SLC12A6: variants seen among roughly 807,000 people sequenced by gnomAD.
The protein encoded by SLC12A6 is K-Cl cotransporter 3.
SLC12A6 carries 66 observed loss-of-function variants against 135.3 expected under a neutral mutation model. That is an observed-to-expected ratio of 0.49 (90% CI 0.40 to 0.60). SLC12A6 has a LOEUF of 0.60. Ranked by LOEUF, SLC12A6 falls within the 20% of genes least tolerant of loss-of-function variation. The pLI is 0.00. For synonymous variants in SLC12A6, 513 were observed against 508.8 expected, an observed-to-expected ratio of 1.01 and a Z score of -0.11; for missense variants, 1,058 against 1,452.3, an observed-to-expected ratio of 0.73 and a Z score of 4.41.
chr15:34,265,475 G>C (rs1893447314), intron 3 of SLC12A6, among the ~76,000 whole-genome samples: 1 of 151,912 alleles, frequency 6.6e-6, no homozygotes, highest in South Asian at 2.1e-4. Context: ...GAAGTGGTAA[G>C]TTCAAGGAAG....
At chr15:34,273,941 A>T (rs150199480) in intron 3 of SLC12A6, among the ~76,000 whole-genome samples, 1,695 of 152,140 alleles carry the variant, frequency 0.011, 41 homozygotes, top group African/African-American at 0.039. Context: ...GTTTAAGCTG[A>T]TGTATCTTTT....
intron 2 of SLC12A6, among the ~76,000 whole-genome samples, chr15:34,329,882 T>C (rs1234391186): frequency 1.3e-5 from 2 of 152,164 alleles, no homozygotes; most frequent in African/African-American, 4.8e-5. Flanking sequence ...CAACAAATTA[T>C]AAACATTTGC....
Position 34,232,952 on chromosome 15 carries a change from A to T in SLC12A6, c.*929T>A, listed in dbSNP as rs1444661675. ...TGACCTGTGCTTAATAAGAGGGCAT[A>T]AAAAAAGGCGCGGGGGTGGGGGCGG... On this transcript the variant is annotated 3_prime_UTR_variant, in exon 26 of 26. Transcript: ENST00000354181. 6.6e-6 allele frequency: 1 copy of T among 150,566 alleles called. No homozygotes were observed. The highest frequency in any genetic ancestry group is 1.5e-5 in the Non-Finnish European group (1 of 67,732). 9.3% of individuals were successfully genotyped at this position (150,566 alleles called of 1,614,324 possible). A position where few individuals can be genotyped will look rare whatever the true frequency, so the allele number is the denominator to read the frequency against.
In SLC12A6 at chr15:34,245,308, A is replaced by G. The variant is rs2140689402; in HGVS notation, c.1920T>C (p.Asp640=). The G allele has an allele frequency of 6.2e-7, 1 of 1,600,838 alleles. No homozygotes were observed. Among genetic ancestry groups the G allele is most frequent in the Non-Finnish European group, 8.6e-7 (1 of 1,167,800 alleles). The part of the protein sequence containing the change: ...AELGILIASL[D]LVAPILSMFF... ...ACATGGAAAGAATTGGGGCCACAAGATCCAGGGAGGCAATGAGTATTCCAA... is the reference window on the plus strand; with the variant it reads ...ACATGGAAAGAATTGGGGCCACAAGGTCCAGGGAGGCAATGAGTATTCCAA... Residue 640 remains aspartate, a synonymous_variant, in exon 15 of 26, where the codon GAT becomes GAC. Transcript: ENST00000354181.
intron 2 of SLC12A6, among the ~76,000 whole-genome samples, chr15:34,311,693 CCA>C (rs562679697): frequency 9.0e-4 from 137 of 152,260 alleles, no homozygotes; most frequent in African/African-American, 3.1e-3. Context: ...ACCCACTATC[CCA>C]CAGAGTGGAG....
chr15:34,240,696 G>T lies in SLC12A6; in HGVS notation c.2401C>A (p.Leu801Ile), dbSNP rs1356085653. 1 of 1,613,958 alleles carries T rather than the reference G, an allele frequency of 6.2e-7. No individual in the cohort carries two copies. The highest frequency in any genetic ancestry group is 1.3e-5 in the African/African-American group (1 of 74,928). ...IVGSVIVGNF[L>I]ENYGEALAAE... ...GCTAAAGCTTCACCGTAGTTCTCTA[G>T]GAAGTTCCCCACGATGACAGAGCCC... Residue 801 changes from leucine (L) to isoleucine (I), a missense_variant, in exon 19 of 26, where the codon CTA becomes ATA. Physicochemically the swap from Leu to Ile is conservative, Grantham distance 5. Coordinates refer to ENST00000354181, the MANE Select transcript of SLC12A6 (RefSeq NM_001365088.1).
chr15:34,255,554 G>C, intron 7 of SLC12A6, 162 bp from the exon 8 acceptor site: 1 of 511,956 alleles, frequency 2.0e-6, no homozygotes, highest in Non-Finnish European at 3.4e-6. Flanking sequence ...GAAGTAAAAG[G>C]TGAAAGTGTT....
chr15:34,236,416 G>C (rs1891269892), intron 23 of SLC12A6, among the ~76,000 whole-genome samples: 1 of 152,010 alleles, frequency 6.6e-6, no homozygotes, highest in South Asian at 2.1e-4. Flanking sequence ...CGTGATCTTG[G>C]CTCACTGCAA....
intron 2 of SLC12A6, among the ~76,000 whole-genome samples, chr15:34,308,386 A>C (rs1209692563): frequency 6.6e-6 from 1 of 152,132 alleles, no homozygotes; most frequent in African/African-American, 2.4e-5. Flanking sequence ...GCACTTTGGG[A>C]GACTGAGGTG....
intron 2 of SLC12A6, among the ~76,000 whole-genome samples, chr15:34,302,853 G>A (rs1896349816): frequency 6.6e-6 from 1 of 151,630 alleles, no homozygotes; most frequent in Non-Finnish European, 1.5e-5. Context: ...GGGAGGCTGA[G>A]GTGAGAGGAT....
chr15:34,280,150 T>A (rs1894579507), intron 2 of SLC12A6, among the ~76,000 whole-genome samples: 2 of 152,208 alleles, frequency 1.3e-5, no homozygotes, highest in Admixed American at 6.5e-5. Flanking sequence ...AAATTTCCTT[T>A]GAGAATCACT....
At chr15:34,274,010 T>A (rs1894132817) in intron 3 of SLC12A6, among the ~76,000 whole-genome samples, 1 of 152,184 alleles carries the variant, frequency 6.6e-6, no homozygotes, top group Admixed American at 6.5e-5. Flanking sequence ...ACCCTACAAA[T>A]ATACTGGCAT....
chr15:34,279,556 A>C (rs1039144399), intron 2 of SLC12A6, among the ~76,000 whole-genome samples: 2 of 152,162 alleles, frequency 1.3e-5, no homozygotes, highest in African/African-American at 4.8e-5. Context: ...TTCTGTGTCT[A>C]AACTCCCCCA....
chr15:34,244,094 G>A (rs1055390140), intron 15 of SLC12A6, 22 bp from the exon 16 acceptor site: 2 of 1,236,880 alleles, frequency 1.6e-6, no homozygotes, highest in Non-Finnish European at 2.4e-6. Context: ...AGAGTAAGAG[G>A]AATGATTATT....
Position 34,315,737 on chromosome 15 carries a change from G to A in SLC12A6, c.271+20673C>T, listed in dbSNP as rs144344177. ...GCAGTGGCTTACGCCTGTAATCCCA[G>A]CACTTTTGGAGACTGAGGCGGGCGG... On this transcript the variant is annotated intron_variant, in intron 2 of 25. Coordinates refer to ENST00000354181, the MANE Select transcript of SLC12A6 (RefSeq NM_001365088.1). Among the ~76,000 whole-genome samples, 737 of 152,204 alleles carry A rather than the reference G, an allele frequency of 4.8e-3. 22 individuals are homozygous for A. Among genetic ancestry groups the A allele is most frequent in the Admixed American group, 0.039 (595 of 15,272 alleles).
At chr15:34,241,377 T>C (rs368265393) in intron 17 of SLC12A6, 40 bp from the exon 18 acceptor site, 6 of 1,054,578 alleles carry the variant, frequency 5.7e-6, no homozygotes, top group African/African-American at 4.7e-5. Context: ...ATTTAAACTA[T>C]AGTAAGTATA....
At chr15:34,257,209 A>G (rs1337009909) in intron 6 of SLC12A6, among the ~76,000 whole-genome samples, 1 of 152,228 alleles carries the variant, frequency 6.6e-6, no homozygotes, top group African/African-American at 2.4e-5. Context: ...TAAGGAAGGG[A>G]TAAGGGAAGA....
intron 2 of SLC12A6, among the ~76,000 whole-genome samples, chr15:34,276,439 T>C (rs73390092): frequency 0.014 from 2,165 of 152,332 alleles, 53 homozygotes; most frequent in African/African-American, 0.05. Flanking sequence ...AAGTTCCTAA[T>C]GCAAGAGATA....
intron 2 of SLC12A6, among the ~76,000 whole-genome samples, chr15:34,303,916 A>G (rs1259623645): frequency 6.6e-6 from 1 of 152,220 alleles, no homozygotes; most frequent in East Asian, 1.9e-4. Flanking sequence ...TAGCAGCATG[A>G]AACATACTAA....
Sources: gnomAD v4.1 joint callset for allele counts (sites outside exome capture counted in the v4.1 genomes callset) on GRCh38, gnomAD v4.1.1 for gene constraint, MANE v1.5 for transcripts, NCBI Gene and HGNC (gene_info 2026-07-23, HGNC 2026-07-21) for gene names.